The following RBM43 variants were observed in gnomAD, a reference collection of about 807,000 sequenced individuals.
RBM43 encodes the protein RNA binding motif protein 43.
In RBM43, 12 loss-of-function variants were observed where a neutral mutation model predicts 12.4. That is an observed-to-expected ratio of 0.97 (90% CI 0.62 to 1.57). The LOEUF (loss-of-function observed/expected upper bound fraction) is 1.57. Among genes scored for constraint, RBM43 ranks in the 40% most tolerant of loss-of-function variants. The pLI, the probability that RBM43 is intolerant of heterozygous loss-of-function variation, is 0.00. For synonymous variants in RBM43, 138 were observed against 145.7 expected, an observed-to-expected ratio of 0.95 and a Z score of 0.38; for missense variants, 348 against 400.1, an observed-to-expected ratio of 0.87 and a Z score of 1.11.
At chr2:151,259,481 A>G (rs929858010) in intron 1 of RBM43, among the ~76,000 whole-genome samples, 1 of 151,998 alleles carries the variant, frequency 6.6e-6, no homozygotes, top group African/African-American at 2.4e-5. Flanking sequence ...CGCCATCTCT[A>G]CTAAAAATAC....
In RBM43 at chr2:151,261,803, G is replaced by A; in HGVS notation, c.-76C>T. 1.3e-6 allele frequency: 2 copies of A among 1,527,150 alleles called. No homozygotes were observed. The highest frequency in any genetic ancestry group is 1.8e-6 in the Non-Finnish European group (2 of 1,131,612). 94.6% of individuals were successfully genotyped at this position (1,527,150 alleles called of 1,614,324 possible). ...GAACGCAGGCGATGGGGAGAGGAGC[G>A]AGCAGGCAGGTTTTGGTTTCGTTTT... On this transcript the variant is annotated 5_prime_UTR_variant, in exon 1 of 4. Transcript: ENST00000331426.
At position 151,251,423 on chromosome 2, in the gene RBM43, T is replaced by G. The variant is rs1234994172; in HGVS notation, c.557A>C (p.Lys186Thr). The change falls in exon 4 of 4, where the codon AAG becomes ACG. Residue 186 changes from lysine (K) to threonine (T), a missense_variant. Transcript: ENST00000331426. ...KDRNFTSEER[K>T]WNRQNPQRNL... Reference sequence around the variant, plus strand: ...CCTCTGGGGATTTTGTCTATTCCACTTTCTCTCCTCACTGGTAAAATTTCT... The same window carrying G: ...CCTCTGGGGATTTTGTCTATTCCACGTTCTCTCCTCACTGGTAAAATTTCT... 1 of 1,614,122 alleles carries G rather than the reference T, an allele frequency of 6.2e-7. No individual in the cohort carries two copies. Among genetic ancestry groups the G allele is most frequent in the Non-Finnish European group, 8.5e-7 (1 of 1,180,046 alleles).
rs184071597 is a variant in RBM43, at chr2:151,252,469, G to A, written c.315+286C>T. Among the ~76,000 whole-genome samples, 227 of 152,320 alleles carry A rather than the reference G, an allele frequency of 1.5e-3. 2 individuals are homozygous for A. The highest frequency in any genetic ancestry group is 5.2e-3 in the African/African-American group (218 of 41,552). ...GCCCAAGAGGCAGAGTTTAGAGTGA[G>A]CCAAGATTATGCCACTGCCTGGGTG... On this transcript the variant is annotated intron_variant, in intron 3 of 3. Transcript: ENST00000331426.
chr2:151,259,168 A>G (rs1456640704), intron 1 of RBM43, among the ~76,000 whole-genome samples: 1 of 152,056 alleles, frequency 6.6e-6, no homozygotes, highest in African/African-American at 2.4e-5. Flanking sequence ...GAAAGGAAAG[A>G]AAGAAAGAAA....
chr2:151,255,786 C>G, intron 1 of RBM43, 43 bp from the exon 2 acceptor site: 1 of 1,337,328 alleles, frequency 7.5e-7, no homozygotes, highest in Non-Finnish European at 1.1e-6. Context: ...ACACAAGACT[C>G]TATATAATAA....
intron 2 of RBM43, 116 bp downstream of exon 2, chr2:151,255,417 C>A (rs1272440769): frequency 6.4e-5 from 38 of 590,632 alleles, no homozygotes; most frequent in East Asian, 1.1e-4. Flanking sequence ...GACTGTGTCT[C>A]AAAAAAAAAA....
intron 3 of RBM43, 110 bp downstream of exon 3, chr2:151,252,645 C>T (rs289885): frequency 0.99 from 595,536 of 599,944 alleles, 295,676 homozygotes; most frequent in Non-Finnish European, 1. Flanking sequence ...TTGCATTTTC[C>T]TTCCTAGAAG....
intron 2 of RBM43, among the ~76,000 whole-genome samples, chr2:151,253,185 T>A (rs1682927761): frequency 6.6e-6 from 1 of 152,134 alleles, no homozygotes; most frequent in Non-Finnish European, 1.5e-5. Context: ...CTGTTCTGGT[T>A]TTCCTCCCAA....
At chr2:151,253,611 G>A (rs1222178169) in intron 2 of RBM43, among the ~76,000 whole-genome samples, 2 of 152,148 alleles carry the variant, frequency 1.3e-5, no homozygotes, top group African/African-American at 4.8e-5. Flanking sequence ...ACGATGAGTA[G>A]TAATTCCTGT....
rs2105187480 is a variant in RBM43, at chr2:151,249,267, T to C, written c.*1639A>G. 1 of 152,240 alleles carries C rather than the reference T, an allele frequency of 6.6e-6. No homozygotes were observed. Among genetic ancestry groups the C allele is most frequent in the African/African-American group, 2.4e-5 (1 of 41,548 alleles). The allele number at this position is 152,240 out of a possible 1,614,324, so 9.4% of individuals were successfully genotyped here. A position where few individuals can be genotyped will look rare whatever the true frequency, so the allele number is the denominator to read the frequency against. ...TGTAGACACAAAACTAAATTTAATG[T>C]TTTGAGAAGAAAGAATTTCAATTCT... is the stretch of plus-strand genomic sequence containing the variant. On this transcript the variant is annotated 3_prime_UTR_variant, in exon 4 of 4. Transcript: ENST00000331426.
At chr2:151,259,140 A>C (rs1293059886) in intron 1 of RBM43, among the ~76,000 whole-genome samples, 1 of 146,000 alleles carries the variant, frequency 6.8e-6, no homozygotes, top group East Asian at 1.9e-4. Flanking sequence ...TTCGTCCCCA[A>C]AAAAAAAAAG....
intron 1 of RBM43, among the ~76,000 whole-genome samples, chr2:151,256,169 C>T (rs1324195848): frequency 1.3e-5 from 2 of 151,952 alleles, no homozygotes; most frequent in African/African-American, 2.4e-5. Flanking sequence ...ACCATGTTGG[C>T]CAGGCTGGTC....
chr2:151,261,515 A>T (rs894727039), intron 1 of RBM43: 2 of 1,549,412 alleles, frequency 1.3e-6, no homozygotes, highest in African/African-American at 2.7e-5. Flanking sequence ...GCCACCTGGG[A>T]AGGGTGCAGC....
At chr2:151,254,319 CTG>C (rs1464760205) in intron 2 of RBM43, among the ~76,000 whole-genome samples, 1 of 151,760 alleles carries the variant, frequency 6.6e-6, no homozygotes, top group Non-Finnish European at 1.5e-5. Flanking sequence ...CTCTCTCTCT[CTG>C]TCTCTCTGAG....
At chr2:151,261,315 C>A in intron 1 of RBM43, 3 of 1,550,628 alleles carry the variant, frequency 1.9e-6, no homozygotes, top group South Asian at 1.2e-5. Context: ...GCTAATCAGG[C>A]CACTTTTGTT....
At chr2:151,257,889 G>A (rs1057242875) in intron 1 of RBM43, among the ~76,000 whole-genome samples, 1 of 151,964 alleles carries the variant, frequency 6.6e-6, no homozygotes, top group Non-Finnish European at 1.5e-5. Context: ...GGCCAACATG[G>A]TGAAATGCCG....
rs1682851315 is a variant in RBM43 at position 151,248,637 on chromosome 2, T to C, written c.*2269A>G. ...GGAGTGTATGATTTTATAGCCTCCA[T>C]CTTTTAGTTCAGTTTTAAGAAAAAC... On this transcript the variant is annotated 3_prime_UTR_variant, in exon 4 of 4. Coordinates refer to ENST00000331426, the MANE Select transcript of RBM43 (RefSeq NM_198557.3). 1 of 152,222 alleles carries C rather than the reference T, an allele frequency of 6.6e-6. No individual in the cohort carries two copies. The highest frequency in any genetic ancestry group is 2.4e-5 in the African/African-American group (1 of 41,456). The allele number at this position is 152,222 out of a possible 1,614,324, so 9.4% of individuals were successfully genotyped here.
chr2:151,256,826 A>C (rs546320829), intron 1 of RBM43, among the ~76,000 whole-genome samples: 1 of 152,246 alleles, frequency 6.6e-6, no homozygotes, highest in African/African-American at 2.4e-5. Context: ...TAAATAAATA[A>C]ATAAACAAAC....
chr2:151,251,828 A>G (rs1339985797), intron 3 of RBM43, among the ~76,000 whole-genome samples, 164 bp from the exon 4 acceptor site: 1 of 152,234 alleles, frequency 6.6e-6, no homozygotes, highest in South Asian at 2.1e-4. Context: ...CAGCCCATCA[A>G]AGTTATCCCA....
Sources: gnomAD v4.1 joint callset for allele counts (sites outside exome capture counted in the v4.1 genomes callset) on GRCh38, gnomAD v4.1.1 for gene constraint, MANE v1.5 for transcripts, NCBI Gene and HGNC (gene_info 2026-07-23, HGNC 2026-07-21) for gene names.